The following RPTOR variants were observed in gnomAD, a reference collection of about 807,000 sequenced individuals.
The protein encoded by RPTOR is regulatory-associated protein of mTOR.
Under a neutral mutation model 169.9 loss-of-function variants are expected in RPTOR, and 21 were observed. The observed-to-expected ratio is 0.12, with a 90% CI of 0.09 to 0.18. The LOEUF (loss-of-function observed/expected upper bound fraction) is 0.18. Ranked by LOEUF, RPTOR falls within the 10% of genes least tolerant of loss-of-function variation. The probability of loss-of-function intolerance (pLI) is 1.00; values close to 1 mark genes in which losing one functional copy is unlikely to be tolerated. For synonymous variants in RPTOR, 732 were observed against 753.2 expected (o/e 0.97, Z 0.46); for missense variants, 1,133 against 1,855.9 (o/e 0.61, Z 7.16).
intron 9 of RPTOR, among the ~76,000 whole-genome samples, chr17:80,825,478 C>T (rs2067432182): frequency 9.3e-6 from 1 of 107,076 alleles, no homozygotes; most frequent in East Asian, 2.0e-4. Flanking sequence ...ATAGAAGGTC[C>T]TTGTCTAGGC....
rs1037192899 is a variant in RPTOR, at chr17:80,965,437, G to C, written c.*1107G>C. 213 of 233,298 alleles carry C rather than the reference G, an allele frequency of 9.1e-4. 1 individual carries two copies. The highest frequency in any genetic ancestry group is 1.9e-4 in the Non-Finnish European group (22 of 118,102). The allele number at this position is 233,298 out of a possible 1,614,324, so 14.5% of individuals were successfully genotyped here. On this transcript the variant is annotated 3_prime_UTR_variant, in exon 34 of 34. Coordinates refer to ENST00000306801, the MANE Select transcript of RPTOR (RefSeq NM_020761.3). ...ACAGCTGGGCCTGTGGTGCAGACAG[G>C]AGCTGTGTGGACAGTCCCGCCCAGG...
In RPTOR at chr17:80,957,525, C is replaced by A; in HGVS notation, c.3371-99C>A. On this transcript the variant is annotated intron_variant, in intron 28 of 33. Coordinates refer to ENST00000306801, the MANE Select transcript of RPTOR (RefSeq NM_020761.3). The surrounding 1 kb of genome is among the most constrained non-coding windows in gnomAD (Gnocchi z 4.6). The stretch of plus-strand genomic sequence containing the variant: ...ATGGGCTCGATGGTGGCAGGGGTAC[C>A]TTGTAGCTGCTGGCCAAATTGCTGC... 9.1e-7 allele frequency: 1 copy of A among 1,099,562 alleles called. No individual in the cohort carries two copies. The highest frequency in any genetic ancestry group is 1.4e-6 in the Non-Finnish European group (1 of 717,488). The allele number at this position is 1,099,562 out of a possible 1,614,324, so 68.1% of individuals were successfully genotyped here. A position where few individuals can be genotyped will look rare whatever the true frequency, so the allele number is the denominator to read the frequency against.
chr17:80,925,861 G>T (rs1430849095), intron 24 of RPTOR, among the ~76,000 whole-genome samples: 1 of 152,216 alleles, frequency 6.6e-6, no homozygotes, highest in African/African-American at 2.4e-5. Context: ...TAGCGCATTT[G>T]GGGTTACACC....
chr17:80,674,288 A>G (rs2065844240), intron 3 of RPTOR, among the ~76,000 whole-genome samples: 2 of 152,188 alleles, frequency 1.3e-5, no homozygotes, highest in Admixed American at 6.5e-5. Flanking sequence ...GTACGTGCAT[A>G]GTTTTTTTTC....
rs926792359 is a variant in RPTOR, at chr17:80,944,453, C to T, written c.3026-1214C>T. 3.9e-5 allele frequency among the ~76,000 whole-genome samples: 6 copies of T among 152,218 alleles called. No homozygotes were observed. The East Asian group carries it at 7.7e-4, about 20-fold the overall frequency. On this transcript the variant is annotated intron_variant, in intron 25 of 33. Transcript: ENST00000306801. ...GCTGAATGCTTCCACATGTCCAGCT[C>T]GGCATCAGGAGCTTTGGGGGTTTTG...
rs1237176709 is a variant in RPTOR, at chr17:80,825,706, A to G, written c.1136+2483A>G. ...GGGTGCCTCGCAGCCCCTCTTCCTG[A>G]CGGTCACTGTGGACACTCCGGCTTT... On this transcript the variant is annotated intron_variant, in intron 9 of 33. Coordinates refer to ENST00000306801, the MANE Select transcript of RPTOR (RefSeq NM_020761.3). Among the ~76,000 whole-genome samples the G allele has an allele frequency of 2.6e-5, 4 of 152,250 alleles. No individual in the cohort carries two copies. The East Asian group carries it at 7.7e-4, about 29-fold the overall frequency.
At chr17:80,755,389 G>T (rs148429405) in intron 6 of RPTOR, among the ~76,000 whole-genome samples, 7 of 152,086 alleles carry the variant, frequency 4.6e-5, no homozygotes, top group African/African-American at 1.7e-4. Flanking sequence ...TCCCTTGAGC[G>T]CGGGAGTTTT....
Position 80,731,476 on chromosome 17 carries a change from G to T in RPTOR, c.654+770G>T, listed in dbSNP as rs142580383. 3.5e-3 allele frequency among the ~76,000 whole-genome samples: 526 copies of T among 152,064 alleles called. 6 individuals are homozygous for T. The highest frequency in any genetic ancestry group is 0.012 in the African/African-American group (504 of 41,478). On this transcript the variant is annotated intron_variant, in intron 5 of 33. Transcript: ENST00000306801. Reference sequence around the variant, plus strand: ...AAACGAAAACAGCTACTGTTGTAGCGCCCACTTCAAAAAGCGGAAAGCCTG... The same window carrying T: ...AAACGAAAACAGCTACTGTTGTAGCTCCCACTTCAAAAAGCGGAAAGCCTG...
rs77248809 is a variant in RPTOR, at chr17:80,794,694, G to T, written c.890+3185G>T. Among the ~76,000 whole-genome samples the T allele has an allele frequency of 7.1e-4, 108 of 152,320 alleles. 1 individual carries two copies. Among genetic ancestry groups the T allele is most frequent in the African/African-American group, 2.4e-3 (101 of 41,562 alleles). Reference sequence around the variant, plus strand: ...CCAGGGCAAATGAATTCAGACTGTGGTGCATCCGTATGATGGAATTCTGCT... The same window carrying T: ...CCAGGGCAAATGAATTCAGACTGTGTTGCATCCGTATGATGGAATTCTGCT... On this transcript the variant is annotated intron_variant, in intron 7 of 33. Transcript: ENST00000306801.
chr17:80,653,791 T>G (rs1331785186), intron 3 of RPTOR, among the ~76,000 whole-genome samples: 1 of 152,222 alleles, frequency 6.6e-6, no homozygotes, highest in East Asian at 1.9e-4. Context: ...GTAGTCATCT[T>G]TGATGGGACT....
At chr17:80,765,835 G>A (rs1361580939) in intron 6 of RPTOR, among the ~76,000 whole-genome samples, 2 of 152,156 alleles carry the variant, frequency 1.3e-5, no homozygotes, top group Non-Finnish European at 2.9e-5. Flanking sequence ...CGTGGTAAAG[G>A]CTACATCAGA....
chr17:80,663,827 G>T (rs889076416), intron 3 of RPTOR, among the ~76,000 whole-genome samples: 1 of 151,852 alleles, frequency 6.6e-6, no homozygotes, highest in Non-Finnish European at 1.5e-5. Context: ...GGTTCTGTGC[G>T]TGTGCGTGTG....
At chr17:80,865,081 T>C (rs1406456800) in intron 13 of RPTOR, among the ~76,000 whole-genome samples, 1 of 152,258 alleles carries the variant, frequency 6.6e-6, no homozygotes, top group Non-Finnish European at 1.5e-5. Context: ...TATTGTAAGA[T>C]TCTTGGACTT....
intron 11 of RPTOR, among the ~76,000 whole-genome samples, chr17:80,849,123 C>G (rs907534075): frequency 6.6e-6 from 1 of 152,236 alleles, no homozygotes; most frequent in African/African-American, 2.4e-5. Context: ...GCTTCTTTCT[C>G]GTTAACTCGG....
At chr17:80,743,881 C>CTAGCACAGCCCTGGT (rs2066521578) in intron 5 of RPTOR, among the ~76,000 whole-genome samples, 2 of 45,142 alleles carry the variant, frequency 4.4e-5, no homozygotes, top group African/African-American at 3.1e-4. Context: ...ACAGCCCTGG[C>CTAGCACAGCCCTGGT]TACTAGCACT....
chr17:80,651,493 C>T lies in RPTOR; in HGVS notation c.348+7683C>T, dbSNP rs1181131012. 6.6e-6 allele frequency among the ~76,000 whole-genome samples: 1 copy of T among 152,128 alleles called. No homozygotes were observed. The highest frequency in any genetic ancestry group is 1.5e-5 in the Non-Finnish European group (1 of 68,024). ...CAAGGGCTTCTGTACAGCTCCCTCCCAAATGTCCGCGATTTACTTGTTGGT... is the reference window on the plus strand; with the variant it reads ...CAAGGGCTTCTGTACAGCTCCCTCCTAAATGTCCGCGATTTACTTGTTGGT... On this transcript the variant is annotated intron_variant, in intron 3 of 33. Coordinates refer to ENST00000306801, the MANE Select transcript of RPTOR (RefSeq NM_020761.3). This position sits in a 1 kb window ranked among gnomAD's most constrained non-coding sequence, Gnocchi z 4.1.
intron 21 of RPTOR, among the ~76,000 whole-genome samples, chr17:80,914,542 G>A (rs7225137): frequency 0.49 from 74,379 of 151,980 alleles, 18,705 homozygotes; most frequent in Non-Finnish European, 0.53. Context: ...GCTTGGAAGC[G>A]TCTGCTCCCG....
chr17:80,761,428 G>A (rs925605439), intron 6 of RPTOR, among the ~76,000 whole-genome samples: 3 of 152,174 alleles, frequency 2.0e-5, no homozygotes, highest in East Asian at 3.8e-4. Context: ...GAGCATTAAC[G>A]TGTATTTGTC....
intron 1 of RPTOR, among the ~76,000 whole-genome samples, chr17:80,589,690 A>T (rs1285925816): frequency 1.3e-5 from 2 of 152,188 alleles, no homozygotes; most frequent in Non-Finnish European, 2.9e-5. Flanking sequence ...GATGAGTCTT[A>T]GAAATTGTGT....
Sources: gnomAD v4.1 joint callset for allele counts (sites outside exome capture counted in the v4.1 genomes callset) on GRCh38, gnomAD v4.1.1 for gene constraint, Gnocchi (gnomAD v3.1) non-coding constraint, MANE v1.5 for transcripts, NCBI Gene and HGNC (gene_info 2026-07-23, HGNC 2026-07-21) for gene names.